The following ERAP2 variants were observed in gnomAD, a reference collection of about 807,000 sequenced individuals.
ERAP2 encodes the protein endoplasmic reticulum aminopeptidase 2, also known as leukocyte-derived arginine aminopeptidase.
Under a neutral mutation model 111.1 loss-of-function variants are expected in ERAP2, and 118 were observed. That is an observed-to-expected ratio of 1.06 (90% CI 0.92 to 1.24). The LOEUF is 1.24. Ranked by LOEUF, ERAP2 falls within the 50% of genes most tolerant of loss-of-function variation. The probability of loss-of-function intolerance (pLI) is 0.00; values close to 1 mark genes in which losing one functional copy is unlikely to be tolerated. For synonymous variants in ERAP2, 410 were observed against 401.2 expected (o/e 1.02, Z -0.26); for missense variants, 1,131 against 1,125.8 (o/e 1.00, Z -0.07).
chr5:96,914,641 T>C (rs1339705530), intron 17 of ERAP2, among the ~76,000 whole-genome samples: 1 of 152,214 alleles, frequency 6.6e-6, no homozygotes, highest in African/African-American at 2.4e-5. Context: ...ACCATATTTT[T>C]TTCTGAGCTG....
chr5:96,895,235 T>G lies in ERAP2; in HGVS notation c.1126-11T>G, dbSNP rs781137326. The G allele has an allele frequency of 6.6e-7, 1 of 1,525,362 alleles. No individual in the cohort carries two copies. Among genetic ancestry groups the G allele is most frequent in the Non-Finnish European group, 9.0e-7 (1 of 1,110,560 alleles). The allele number at this position is 1,525,362 out of a possible 1,614,324, so 94.5% of individuals were successfully genotyped here. ...TTTAACTTCTAATAATATTGAGTTT[T>G]TACCTCCTAGTGGTTTGGCAACCTG... On this transcript the variant is annotated splice_polypyrimidine_tract_variant and intron_variant, in intron 6 of 18. Transcript: ENST00000437043.
intron 2 of ERAP2, among the ~76,000 whole-genome samples, 197 bp from the exon 3 acceptor site, chr5:96,883,595 T>C (rs547714297): frequency 1.8e-4 from 28 of 152,324 alleles, no homozygotes; most frequent in African/African-American, 6.3e-4. Context: ...AAACAGGGCA[T>C]TGCTTATGAT....
Position 96,915,784 on chromosome 5 carries a change from G to C in ERAP2, c.2739+15G>C. On this transcript the variant is annotated intron_variant, in intron 18 of 18. Coordinates refer to ENST00000437043, the MANE Select transcript of ERAP2 (RefSeq NM_022350.5). ...AGTTGCAAGAGGTTTGTGACTTTCT[G>C]TTTTTAACAATTTCAAAATAAATGT... 6.4e-7 allele frequency: 1 copy of C among 1,570,314 alleles called. No homozygotes were observed. The highest frequency in any genetic ancestry group is 8.7e-7 in the Non-Finnish European group (1 of 1,154,076).
Position 96,909,756 on chromosome 5 carries a change from A to T in ERAP2, c.2346A>T (p.Gly782=). Residue 782 remains glycine (G), a synonymous_variant, in exon 15 of 19, where the codon GGA becomes GGT. Coordinates refer to ENST00000437043, the MANE Select transcript of ERAP2 (RefSeq NM_022350.5). The part of the protein sequence containing the change: ...ELFSQWMESS[G]KLNIPTDVLK... The stretch of plus-strand genomic sequence containing the variant: ...TCTCCCAGTGGATGGAATCCAGTGG[A>T]AAATTAAAGTAGATGTAGACTTCTG... 6.2e-7 allele frequency: 1 copy of T among 1,613,906 alleles called. No homozygotes were observed. The highest frequency in any genetic ancestry group is 8.5e-7 in the Non-Finnish European group (1 of 1,179,820).
rs780458809 is a variant in ERAP2 at position 96,879,769 on chromosome 5, C to T, written c.84C>T (p.Ile28=). 7 of 1,614,088 alleles carry T rather than the reference C, an allele frequency of 4.3e-6. No homozygotes were observed. The South Asian group carries it at 4.4e-5, about 10-fold the overall frequency. ...IHRGFYCLTA[I]LPQICICSQF... is the part of the protein sequence containing the mutation. ...GAGGATTTTACTGCTTAACAGCCAT[C>T]TTGCCCCAAATATGCATTTGTTCTC... The change falls in exon 2 of 19, where the codon ATC becomes ATT. Residue 28 remains isoleucine (I), a synonymous_variant. Coordinates refer to ENST00000437043, the MANE Select transcript of ERAP2 (RefSeq NM_022350.5).
At chr5:96,886,546 T>C (rs1443460679) in intron 3 of ERAP2, 109 bp from the exon 4 acceptor site, 2 of 909,918 alleles carry the variant, frequency 2.2e-6, no homozygotes, top group South Asian at 7.5e-5. Context: ...GGTCATCGAT[T>C]GTCCTTCAGA....
At chr5:96,898,949 C>T (rs546789548) in intron 9 of ERAP2, among the ~76,000 whole-genome samples, 2 of 152,256 alleles carry the variant, frequency 1.3e-5, no homozygotes, top group East Asian at 1.9e-4. Context: ...TATTTGTAGA[C>T]ATCAGTTTAG....
In ERAP2 at chr5:96,883,815, A is replaced by C. The variant is rs1783415883; in HGVS notation, c.599A>C (p.Glu200Ala). The C allele has an allele frequency of 6.2e-7, 1 of 1,611,176 alleles. No homozygotes were observed. The highest frequency in any genetic ancestry group is 1.1e-5 in the South Asian group (1 of 90,172). Residue 200 changes from glutamate (E) to alanine (A), a missense_variant, in exon 3 of 19, where the codon GAG (glutamate) becomes GCG (alanine). Physicochemically the swap from Glu to Ala is moderately radical, Grantham distance 107 (BLOSUM62 -1). This residue lies in a region of ERAP2 where 847 missense variants were observed against 856.5 expected (regional missense o/e 0.99). Coordinates refer to ENST00000437043, the MANE Select transcript of ERAP2 (RefSeq NM_022350.5). Reference sequence around the variant, plus strand: ...AGAATTCTTGCAGTAACAGATTTTGAGCCAACCCAGGCACGCATGGCTTTC... The same window carrying C: ...AGAATTCTTGCAGTAACAGATTTTGCGCCAACCCAGGCACGCATGGCTTTC... ...ETRILAVTDF[E>A]PTQARMAFPC...
intron 16 of ERAP2, 111 bp from the exon 17 acceptor site, chr5:96,913,206 A>T (rs552357629): frequency 2.5e-6 from 2 of 814,338 alleles, no homozygotes; most frequent in South Asian, 4.4e-5. Context: ...TGGTAATTAT[A>T]CTTTTATCAT....
chr5:96,909,658 C>A lies in ERAP2; in HGVS notation c.2248C>A (p.Leu750Ile). 6.2e-7 allele frequency: 1 copy of A among 1,614,184 alleles called. No homozygotes were observed. The highest frequency in any genetic ancestry group is 8.5e-7 in the Non-Finnish European group (1 of 1,180,028). The change falls in exon 15 of 19, where the codon CTC becomes ATC. Residue 750 changes from leucine to isoleucine, a missense_variant. Physicochemically the swap from Leu to Ile is conservative, Grantham distance 5. Coordinates refer to ENST00000437043, the MANE Select transcript of ERAP2 (RefSeq NM_022350.5). ...SDKGSVWDRM[L>I]RSALLKLACD... ...CAAGGGCTCAGTCTGGGACAGGATGCTCCGCTCGGCTCTCTTGAAGCTGGC... is the reference window on the plus strand; with the variant it reads ...CAAGGGCTCAGTCTGGGACAGGATGATCCGCTCGGCTCTCTTGAAGCTGGC...
intron 6 of ERAP2, among the ~76,000 whole-genome samples, chr5:96,893,693 A>T (rs922990542): frequency 1.8e-4 from 27 of 152,238 alleles, no homozygotes; most frequent in African/African-American, 6.0e-4. Flanking sequence ...CAGCACTGGA[A>T]TTTTTGCCCC....
At chr5:96,910,705 G>T (rs117858047) in intron 15 of ERAP2, among the ~76,000 whole-genome samples, 1 of 152,260 alleles carries the variant, frequency 6.6e-6, no homozygotes, top group East Asian at 1.9e-4. Context: ...ACTTATTTAT[G>T]CTCACAATCA....
rs1692399128 is a variant in ERAP2 at position 96,896,795 on chromosome 5, A to C, written c.1435A>C (p.Ile479Leu). Residue 479 changes from isoleucine (I) to leucine (L), a missense_variant, in exon 9 of 19, where the codon ATT (isoleucine) becomes CTT (leucine). Physicochemically the swap from Ile to Leu is conservative, Grantham distance 5 (BLOSUM62 2). Coordinates refer to ENST00000437043, the MANE Select transcript of ERAP2 (RefSeq NM_022350.5). ...TGAGGAGAAATTCCAGAAAGGAATA[A>C]TTCAGTACTTAAAGAAGTTCAGCTA... is the stretch of plus-strand genomic sequence containing the variant. ...LGEEKFQKGI[I>L]QYLKKFSYRN... 4 of 1,381,592 alleles carry C rather than the reference A, an allele frequency of 2.9e-6. No homozygotes were observed. Among genetic ancestry groups the C allele is most frequent in the Middle Eastern group, 2.0e-4 (1 of 4,880 alleles). 85.6% of individuals were successfully genotyped at this position (1,381,592 alleles called of 1,614,324 possible). A position where few individuals can be genotyped will look rare whatever the true frequency, so the allele number is the denominator to read the frequency against.
In ERAP2 at chr5:96,909,645, C is replaced by T; in HGVS notation, c.2235C>T (p.Val745=). ...AAAGCTGGAGTGACAAGGGCTCAGT[C>T]TGGGACAGGATGCTCCGCTCGGCTC... ...DRQSWSDKGS[V]WDRMLRSALL... The change falls in exon 15 of 19, where the codon GTC becomes GTT. Residue 745 remains valine (V), a synonymous_variant. Coordinates refer to ENST00000437043, the MANE Select transcript of ERAP2 (RefSeq NM_022350.5). 1 of 1,614,210 alleles carries T rather than the reference C, an allele frequency of 6.2e-7. No homozygotes were observed. The highest frequency in any genetic ancestry group is 1.7e-5 in the Admixed American group (1 of 60,022).
intron 9 of ERAP2, 147 bp from the exon 10 acceptor site, chr5:96,899,974 T>C (rs974151161): frequency 3.2e-5 from 30 of 949,810 alleles, no homozygotes; most frequent in Non-Finnish European, 4.0e-5. Flanking sequence ...CAAACATGCC[T>C]TTTTTTCCAT....
chr5:96,916,433 C>G (rs1441308984), intron 18 of ERAP2, among the ~76,000 whole-genome samples: 1 of 147,194 alleles, frequency 6.8e-6, no homozygotes, highest in Non-Finnish European at 1.5e-5. Context: ...TTTAACAAAA[C>G]TATTGTTGGT....
At position 96,912,771 on chromosome 5, in the gene ERAP2, C is replaced by T. The variant is rs536000248; in HGVS notation, c.2489C>T (p.Thr830Met). 18 of 1,601,052 alleles carry T rather than the reference C, an allele frequency of 1.1e-5. No individual in the cohort carries two copies. The highest frequency in any genetic ancestry group is 2.3e-5 in the South Asian group (2 of 87,910). ...EQNKILYALS[T>M]SKHQEKLLKL... ...AACAAAATTCTGTATGCTTTGTCAA[C>T]GAGCAAGCATCAGGAAAAGTTACTG... The change falls in exon 16 of 19, where the codon ACG (threonine) becomes ATG (methionine). Residue 830 changes from threonine (T) to methionine (M), a missense_variant. This residue lies in a region of ERAP2 where 279 missense variants were observed against 250.9 expected (regional missense o/e 1.11). Coordinates refer to ENST00000437043, the MANE Select transcript of ERAP2 (RefSeq NM_022350.5).
At chr5:96,883,192 C>T (rs181197550) in intron 2 of ERAP2, among the ~76,000 whole-genome samples, 216 of 152,270 alleles carry the variant, frequency 1.4e-3, no homozygotes, top group Non-Finnish European at 2.4e-3. Flanking sequence ...TAGTTTGCAT[C>T]CCAGAGCTCC....
chr5:96,898,836 C>T (rs1227883060), intron 9 of ERAP2, among the ~76,000 whole-genome samples: 1 of 152,186 alleles, frequency 6.6e-6, no homozygotes, highest in Admixed American at 6.6e-5. Flanking sequence ...CACACTTTCT[C>T]CATGCTTCCG....
Sources: gnomAD v4.1 joint callset for allele counts (sites outside exome capture counted in the v4.1 genomes callset) on GRCh38, gnomAD v4.1.1 for gene constraint, gnomAD v4.1.1 regional missense constraint, MANE v1.5 for transcripts, NCBI Gene and HGNC (gene_info 2026-07-23, HGNC 2026-07-21) for gene names.